CUX1: variants seen among roughly 807,000 people sequenced by gnomAD.
CUX1 encodes protein CASP.
A neutral mutation model predicts 158.8 loss-of-function variants in CUX1; 31 were observed. The ratio of observed to expected loss-of-function variants is 0.20; its 90% CI spans 0.15 to 0.26. The LOEUF (loss-of-function observed/expected upper bound fraction) is 0.26, where lower values mean the gene tolerates loss of function less well. CUX1 is among the 10% of genes least tolerant of loss of function. The pLI is 1.00. For synonymous variants in CUX1, 879 were observed against 862.1 expected, an observed-to-expected ratio of 1.02 and a Z score of -0.34; for missense variants, 1,589 against 2,014.6, an observed-to-expected ratio of 0.79 and a Z score of 4.04.
chr7:101,855,026 C>T (rs1400536407), intron 1 of CUX1, among the ~76,000 whole-genome samples: 2 of 152,236 alleles, frequency 1.3e-5, no homozygotes, highest in South Asian at 2.1e-4. Flanking sequence ...TGAGCCACCT[C>T]GCCCGGCCTG....
chr7:102,076,941 G>A (rs1826799323), intron 4 of CUX1, among the ~76,000 whole-genome samples: 1 of 151,642 alleles, frequency 6.6e-6, no homozygotes, highest in Non-Finnish European at 1.5e-5. Context: ...GGCTGCGGTG[G>A]GTGGATCACC....
At chr7:102,070,446 T>C (rs548574704) in intron 4 of CUX1, 29 bp downstream of exon 4, 1 of 1,562,128 alleles carries the variant, frequency 6.4e-7, no homozygotes, top group Non-Finnish European at 8.7e-7. Context: ...GGCCCACCAG[T>C]GGGGGGCGTT....
At chr7:101,856,585 A>G (rs983438353) in intron 1 of CUX1, among the ~76,000 whole-genome samples, 5 of 152,170 alleles carry the variant, frequency 3.3e-5, no homozygotes, top group Non-Finnish European at 5.9e-5. Context: ...TGTTTCCTGC[A>G]GGCCCAGAGG....
chr7:102,116,770 C>G (rs1164687900), intron 8 of CUX1, among the ~76,000 whole-genome samples: 1 of 152,142 alleles, frequency 6.6e-6, no homozygotes, highest in Non-Finnish European at 1.5e-5. Context: ...GGGGTGCGCC[C>G]CACCTGCCCT....
intron 1 of CUX1, among the ~76,000 whole-genome samples, chr7:101,896,433 A>C (rs1801530648): frequency 6.6e-6 from 1 of 152,226 alleles, no homozygotes; most frequent in Non-Finnish European, 1.5e-5. Context: ...GGAACGCCAC[A>C]GTCAGCTTTG....
intron 5 of CUX1, among the ~76,000 whole-genome samples, chr7:102,099,393 C>T (rs201468): frequency 0.61 from 92,405 of 151,700 alleles, 29,974 homozygotes; most frequent in African/African-American, 0.79. Flanking sequence ...GCCAGAATCA[C>T]GCCAGTATTG....
intron 17 of CUX1, among the ~76,000 whole-genome samples, chr7:102,275,524 G>A (rs940134017): frequency 2.0e-5 from 3 of 152,172 alleles, no homozygotes; most frequent in Non-Finnish European, 4.4e-5. Context: ...ATGCCACACT[G>A]GGCTTTGAAA....
downstream of CUX1, among the ~76,000 whole-genome samples, chr7:102,259,741 TAAA>T (rs11306437): frequency 1.6e-4 from 12 of 74,610 alleles, no homozygotes; most frequent in South Asian, 1.9e-3. Flanking sequence ...TAAGAAATGT[TAAA>T]AAAAAAAAAA....
At chr7:102,053,566 A>T (rs1823778614) in intron 3 of CUX1, among the ~76,000 whole-genome samples, 1 of 152,112 alleles carries the variant, frequency 6.6e-6, no homozygotes, top group South Asian at 2.1e-4. Flanking sequence ...GGTACCCATT[A>T]ACCATACCAC....
At chr7:101,839,252 G>A (rs146263470) in intron 1 of CUX1, among the ~76,000 whole-genome samples, 6 of 152,190 alleles carry the variant, frequency 3.9e-5, no homozygotes, top group East Asian at 3.9e-4. Flanking sequence ...TAGCTCACAC[G>A]TCCATTTCCC....
At chr7:102,162,181 A>C (rs1468369478) in intron 9 of CUX1, among the ~76,000 whole-genome samples, 2 of 152,126 alleles carry the variant, frequency 1.3e-5, no homozygotes, top group Admixed American at 6.6e-5. Context: ...AGTTCTCAAG[A>C]GCCGACCAGA....
chr7:101,838,852 A>G (rs1040193050), intron 1 of CUX1, among the ~76,000 whole-genome samples: 3 of 152,140 alleles, frequency 2.0e-5, no homozygotes, highest in African/African-American at 7.2e-5. Context: ...ATCTGTCCAG[A>G]CTGCCGTAAC....
intron 1 of CUX1, among the ~76,000 whole-genome samples, chr7:101,850,421 C>CTTTTTTTTTTTTTTTTTTT (rs545679696): frequency 1.9e-5 from 2 of 104,656 alleles, no homozygotes; most frequent in Admixed American, 1.0e-4. Context: ...TTCTTTCTTT[C>CTTTTTTTTTTTTTTTTTTT]TTTTTTTTTT....
intron 4 of CUX1, among the ~76,000 whole-genome samples, chr7:102,081,578 G>A (rs372723540): frequency 4.8e-5 from 7 of 147,198 alleles, no homozygotes; most frequent in African/African-American, 1.7e-4. Context: ...CCCCAGCCAT[G>A]TGGAACTGTG....
chr7:102,269,294 G>C (rs1232080166), intron 14 of CUX1, among the ~76,000 whole-genome samples: 1 of 151,946 alleles, frequency 6.6e-6, no homozygotes, highest in African/African-American at 2.4e-5. Context: ...TTCAACATGA[G>C]ATGTGGACAG....
intron 2 of CUX1, among the ~76,000 whole-genome samples, chr7:101,925,317 G>A (rs1468762976): frequency 2.0e-5 from 3 of 152,112 alleles, no homozygotes; most frequent in Non-Finnish European, 4.4e-5. Flanking sequence ...CACCATGTTG[G>A]CCAGGTTGGT....
chr7:102,243,147 G>A (rs782434245), intron 23 of CUX1, among the ~76,000 whole-genome samples: 1 of 151,958 alleles, frequency 6.6e-6, no homozygotes, highest in Non-Finnish European at 1.5e-5. Context: ...GGTGGGGTGC[G>A]CCTGTAATCC....
rs533144604 is a variant in CUX1, at chr7:102,248,214, C to T, written c.3888-198C>T. On this transcript the variant is annotated intron_variant, in intron 23 of 23. Coordinates refer to ENST00000292535, the MANE Select transcript of CUX1 (RefSeq NM_181552.4). This position sits in a 1 kb window ranked among gnomAD's most constrained non-coding sequence, Gnocchi z 5.8. ...GTGGTGTCCCAGCCCTGGGATGGCT[C>T]CTGGCCAGGCCCGGAGGGGTGGGTG... Among the ~76,000 whole-genome samples, 83 of 152,282 alleles carry T rather than the reference C, an allele frequency of 5.5e-4. No individual in the cohort carries two copies. The highest frequency in any genetic ancestry group is 1.9e-3 in the African/African-American group (77 of 41,570).
At chr7:101,931,582 T>C (rs1048496828) in intron 2 of CUX1, among the ~76,000 whole-genome samples, 1 of 152,160 alleles carries the variant, frequency 6.6e-6, no homozygotes, top group Admixed American at 6.5e-5. Flanking sequence ...AAGGTTTTTT[T>C]TGAGACAGAG....
Sources: allele counts gnomAD v4.1 joint callset (sites outside exome capture counted in the v4.1 genomes callset), GRCh38; gene constraint gnomAD v4.1.1; non-coding constraint Gnocchi (gnomAD v3.1); transcripts MANE v1.5; gene names NCBI Gene and HGNC (gene_info 2026-07-23, HGNC 2026-07-21).